The following TMEM273 variants were observed in gnomAD, a reference collection of about 807,000 sequenced individuals.
TMEM273 encodes the protein chromosome 10 open reading frame 128.
In TMEM273, 19 loss-of-function variants were observed where a neutral mutation model predicts 17.9. That is an observed-to-expected ratio of 1.06 (90% CI 0.74 to 1.55). The LOEUF (loss-of-function observed/expected upper bound fraction) is 1.55, where lower values mean the gene tolerates loss of function less well. Among genes scored for constraint, TMEM273 ranks in the 40% most tolerant of loss-of-function variants. The pLI is 0.00. For missense variants in TMEM273, 194 were observed against 155.6 expected, an observed-to-expected ratio of 1.25 and a Z score of -1.31; for synonymous variants, 66 against 62.0, an observed-to-expected ratio of 1.07 and a Z score of -0.31.
rs35480919 is a variant in TMEM273, at chr10:49,186,068, G to GGAAGAAGAAGAAGAAGAAGAA, written c.43+2205_43+2225dup. Among the ~76,000 whole-genome samples, 448 of 67,144 alleles carry GGAAGAAGAAGAAGAAGAAGAA rather than the reference G, an allele frequency of 6.7e-3. 20 individuals carry two copies. The highest frequency in any genetic ancestry group is 0.012 in the African/African-American group (245 of 19,788). The allele number at this position is 67,144 out of a possible 152,430, so 44.0% of individuals were successfully genotyped here. A position where few individuals can be genotyped will look rare whatever the true frequency, so the allele number is the denominator to read the frequency against. On this transcript the variant is annotated intron_variant, in intron 1 of 6. Transcript: ENST00000374153. Reference sequence around the variant, plus strand: ...AAGAAGAAGAGGAAGAAGAAGAAGAGGAAGAAGAAGAAGAAGAAGAAGAAG... The same window carrying GGAAGAAGAAGAAGAAGAAGAA: ...AAGAAGAAGAGGAAGAAGAAGAAGAGGAAGAAGAAGAAGAAGAAGAAGAAGAAGAAGAAGAAGAAGAAGAAG...
chr10:49,187,866 A>G (rs1464864694), intron 1 of TMEM273, among the ~76,000 whole-genome samples: 1 of 152,208 alleles, frequency 6.6e-6, no homozygotes. Context: ...ACATGCCTAC[A>G]TGTTCTCATT....
chr10:49,165,660 C>A, intron 4 of TMEM273, 106 bp downstream of exon 4: 1 of 1,503,196 alleles, frequency 6.7e-7, no homozygotes. Context: ...ACCTAGAAAG[C>A]ATGCCAGAGT....
In TMEM273 at chr10:49,158,610, T is replaced by TAGAG. The variant is rs1352762623; in HGVS notation, c.373-2702_373-2701insCTCT. 3.2e-4 allele frequency among the ~76,000 whole-genome samples: 49 copies of TAGAG among 152,328 alleles called. No individual in the cohort carries two copies. In the Middle Eastern group the frequency reaches 0.024, roughly 74 times the overall value. On this transcript the variant is annotated intron_variant, in intron 6 of 6. Transcript: ENST00000374153. ...GGTAGAGCACACCAGGAAGCCTCTC[T>TAGAG]AGGCTCAGCCTCTCCAGGAAGCTCT...
chr10:49,174,244 CCCTG>C (rs1233850669), intron 1 of TMEM273, among the ~76,000 whole-genome samples: 2 of 152,190 alleles, frequency 1.3e-5, no homozygotes, highest in Non-Finnish European at 2.9e-5. Flanking sequence ...TGCTGGCGGG[CCCTG>C]CCCCTGCCCC....
chr10:49,173,889 C>T (rs1846760646), intron 1 of TMEM273, among the ~76,000 whole-genome samples: 1 of 152,198 alleles, frequency 6.6e-6, no homozygotes, highest in African/African-American at 2.4e-5. Context: ...TCCCCTGTGG[C>T]TCTGAGACCA....
intron 1 of TMEM273, among the ~76,000 whole-genome samples, chr10:49,182,064 G>C (rs941219414): frequency 2.0e-5 from 3 of 152,204 alleles, no homozygotes; most frequent in African/African-American, 7.2e-5. Flanking sequence ...CTATCAGGAA[G>C]TATCTCTTGC....
intron 1 of TMEM273, among the ~76,000 whole-genome samples, chr10:49,177,136 T>C (rs1052213127): frequency 6.6e-6 from 1 of 152,126 alleles, no homozygotes; most frequent in African/African-American, 2.4e-5. Flanking sequence ...CAAGGATGGC[T>C]CCTGAGCCAT....
chr10:49,159,123 T>C (rs1401535313), intron 6 of TMEM273, among the ~76,000 whole-genome samples: 2 of 152,150 alleles, frequency 1.3e-5, no homozygotes, highest in Non-Finnish European at 1.5e-5. Flanking sequence ...TTACATAGTT[T>C]ATCTCTGAAT....
In TMEM273 at chr10:49,182,374, C is replaced by T. The variant is rs115790893; in HGVS notation, c.43+5920G>A. Among the ~76,000 whole-genome samples the T allele has an allele frequency of 7.2e-4, 110 of 152,174 alleles. 1 individual carries two copies. In the South Asian group the frequency reaches 0.015, roughly 20 times the overall value. On this transcript the variant is annotated intron_variant, in intron 1 of 6. Transcript: ENST00000374153. ...AAAAACGAATTTAATTCTCTTTACCCGGGCCTCTGCCATCTTTTCATTATA... is the reference window on the plus strand; with the variant it reads ...AAAAACGAATTTAATTCTCTTTACCTGGGCCTCTGCCATCTTTTCATTATA...
chr10:49,164,793 C>G (rs935822826), intron 5 of TMEM273, among the ~76,000 whole-genome samples: 3 of 152,236 alleles, frequency 2.0e-5, no homozygotes, highest in Admixed American at 2.0e-4. Flanking sequence ...TCTGCACCCC[C>G]AAGACACAAG....
intron 6 of TMEM273, among the ~76,000 whole-genome samples, chr10:49,158,773 T>A (rs1297206182): frequency 6.6e-6 from 1 of 152,156 alleles, no homozygotes; most frequent in Non-Finnish European, 1.5e-5. Context: ...AGTATCGGAA[T>A]AATTCAATTG....
chr10:49,188,317 A>G lies in TMEM273; in HGVS notation c.20T>C (p.Met7Thr), dbSNP rs1847851050. MNLGVSMLRILFLLDVG... is the reference protein window; with the variant it reads MNLGVSTLRILFLLDVG... ...ACCCAGGAGGAAGAGGATCCTCAGC[A>G]TGCTGACCCCCAAGTTCATGCTGGC... Residue 7 changes from methionine (M) to threonine (T), a missense_variant, in exon 1 of 7, where the codon ATG (methionine) becomes ACG (threonine). Transcript: ENST00000374153. 1 of 1,614,070 alleles carries G rather than the reference A, an allele frequency of 6.2e-7. No homozygotes were observed. Among genetic ancestry groups the G allele is most frequent in the Non-Finnish European group, 8.5e-7 (1 of 1,180,020 alleles).
chr10:49,164,279 G>A (rs1387546806), intron 5 of TMEM273, among the ~76,000 whole-genome samples: 3 of 152,142 alleles, frequency 2.0e-5, no homozygotes, highest in Non-Finnish European at 2.9e-5. Flanking sequence ...CTCTCCTCCA[G>A]TGGCTGTCTC....
chr10:49,185,790 C>T (rs1847628288), intron 1 of TMEM273, among the ~76,000 whole-genome samples: 1 of 151,878 alleles, frequency 6.6e-6, no homozygotes, highest in South Asian at 2.1e-4. Context: ...ACCAGCTTGG[C>T]CAACATGGAG....
intron 5 of TMEM273, among the ~76,000 whole-genome samples, chr10:49,162,920 C>G (rs565977796): frequency 6.6e-6 from 1 of 152,242 alleles, no homozygotes; most frequent in African/African-American, 2.4e-5. Flanking sequence ...TGTGAAAACC[C>G]TTATAATGGC....
chr10:49,178,289 C>T lies in TMEM273; in HGVS notation c.43+10005G>A, dbSNP rs771923394. On this transcript the variant is annotated intron_variant, in intron 1 of 6. Coordinates refer to ENST00000374153, the MANE Select transcript of TMEM273 (RefSeq NM_001288740.3). Reference sequence around the variant, plus strand: ...CTTCTTAGGATGGCACGCCACCTGTCCCATTCTTGCAGACTGGCTCCAGAG... The same window carrying T: ...CTTCTTAGGATGGCACGCCACCTGTTCCATTCTTGCAGACTGGCTCCAGAG... 9 of 457,076 alleles carry T rather than the reference C, an allele frequency of 2.0e-5. No homozygotes were observed. The Middle Eastern group carries it at 9.7e-4, about 49-fold the overall frequency. The allele number at this position is 457,076 out of a possible 1,614,324, so 28.3% of individuals were successfully genotyped here.
intron 1 of TMEM273, among the ~76,000 whole-genome samples, chr10:49,179,507 T>C (rs1396834909): frequency 6.6e-6 from 1 of 152,164 alleles, no homozygotes; most frequent in Non-Finnish European, 1.5e-5. Context: ...AAATCACCCA[T>C]CCTCCAGAAC....
intron 1 of TMEM273, among the ~76,000 whole-genome samples, chr10:49,187,606 A>ATC (rs1374552984): frequency 6.6e-6 from 1 of 151,478 alleles, no homozygotes; most frequent in Admixed American, 6.6e-5. Context: ...ATTTCTAACC[A>ATC]TCTCTCTATG....
intron 1 of TMEM273, among the ~76,000 whole-genome samples, chr10:49,174,294 C>T (rs1846797391): frequency 6.6e-6 from 1 of 152,226 alleles, no homozygotes; most frequent in Admixed American, 6.5e-5. Context: ...GCTTCTCAGG[C>T]ACTCCACGGG....
Sources: allele counts gnomAD v4.1 joint callset (sites outside exome capture counted in the v4.1 genomes callset), GRCh38; gene constraint gnomAD v4.1.1; transcripts MANE v1.5; gene names NCBI Gene and HGNC (gene_info 2026-07-23, HGNC 2026-07-21).